Variants in WEE2 observed in about 807,000 individuals in gnomAD.
WEE2 encodes WEE2 oocyte meiosis inhibiting kinase, also known as wee1-like protein kinase 2.
In WEE2, 50 loss-of-function variants were observed where a neutral mutation model predicts 60.1. The ratio of observed to expected loss-of-function variants is 0.83; its 90% CI spans 0.66 to 1.05. The LOEUF is 1.05. Ranked by LOEUF, WEE2 falls within the 50% of genes least tolerant of loss-of-function variation. The pLI is 0.00. For synonymous variants in WEE2, 240 were observed against 241.0 expected (o/e 1.00, Z 0.04); for missense variants, 631 against 684.3 (o/e 0.92, Z 0.87).
intron 3 of WEE2, among the ~76,000 whole-genome samples, chr7:141,716,520 C>A (rs1355573180): frequency 6.6e-6 from 1 of 150,786 alleles, no homozygotes; most frequent in Non-Finnish European, 1.5e-5. Flanking sequence ...TCCTACTCTC[C>A]TTCTCTCCTC....
chr7:141,720,951 GAAGTTTATGCTCACGCA>G lies in WEE2; in HGVS notation c.776_792del (p.Glu259GlyfsTer19). 6.2e-7 allele frequency: 1 copy of G among 1,612,750 alleles called. No homozygotes were observed. The highest frequency in any genetic ancestry group is 8.5e-7 in the Non-Finnish European group (1 of 1,178,808). On this transcript the variant is annotated frameshift_variant, in exon 5 of 12. Transcript: ENST00000397541. LOFTEE classifies it high-confidence loss of function. ...GTCTCATAGGAATTCGGCTTTGCAT[GAAGTTTATGCTCACGCA>G]GTGCTTGGGCATCACCCCCATGTGG...
In WEE2 at chr7:141,730,857, C is replaced by A. The variant is rs1799128470; in HGVS notation, c.*537C>A. The A allele has an allele frequency of 6.6e-6, 1 of 152,122 alleles. No homozygotes were observed. The highest frequency in any genetic ancestry group is 2.1e-4 in the South Asian group (1 of 4,818). 9.4% of individuals were successfully genotyped at this position (152,122 alleles called of 1,614,324 possible). ...TTTAAAATCATATTTTATCTAAATC[C>A]TTTTTCTGTACACATTTTTAAAGGA... On this transcript the variant is annotated 3_prime_UTR_variant, in exon 12 of 12. Coordinates refer to ENST00000397541, the MANE Select transcript of WEE2 (RefSeq NM_001105558.1).
At chr7:141,722,872 A>T (rs1304225725) in intron 5 of WEE2, among the ~76,000 whole-genome samples, 1 of 152,168 alleles carries the variant, frequency 6.6e-6, no homozygotes, top group East Asian at 1.9e-4. Flanking sequence ...CCTTTCCAAC[A>T]TGTCTGTGGT....
At chr7:141,719,556 T>G (rs1197919846) in intron 4 of WEE2, among the ~76,000 whole-genome samples, 1 of 152,228 alleles carries the variant, frequency 6.6e-6, no homozygotes, top group East Asian at 1.9e-4. Flanking sequence ...GTTCAAGTGA[T>G]TCTCCTGCTT....
chr7:141,713,648 T>C (rs1262851613), intron 1 of WEE2, among the ~76,000 whole-genome samples: 1 of 152,206 alleles, frequency 6.6e-6, no homozygotes, highest in East Asian at 1.9e-4. Flanking sequence ...ACTTTTTTCA[T>C]GTTTAAATAG....
intron 9 of WEE2, 53 bp downstream of exon 9, chr7:141,725,249 G>T (rs1049194392): frequency 1.3e-6 from 2 of 1,563,216 alleles, no homozygotes; most frequent in South Asian, 1.2e-5. Flanking sequence ...TTTTTAGTGC[G>T]ATGGCAACTA....
intron 9 of WEE2, 72 bp from the exon 10 acceptor site, chr7:141,727,232 G>A (rs1799033181): frequency 6.5e-7 from 1 of 1,530,328 alleles, no homozygotes; most frequent in Non-Finnish European, 8.8e-7. Flanking sequence ...CTGGGTTGGA[G>A]TTGGCTTGAA....
At chr7:141,725,246 T>C (rs773421112) in intron 9 of WEE2, 50 bp downstream of exon 9, 1 of 1,568,636 alleles carries the variant, frequency 6.4e-7, no homozygotes, top group Non-Finnish European at 8.7e-7. Flanking sequence ...ATTTTTTTAG[T>C]GCGATGGCAA....
At position 141,708,813 on chromosome 7, in the gene WEE2, T is replaced by C; in HGVS notation, c.55T>C (p.Cys19Arg). The C allele has an allele frequency of 1.9e-6, 3 of 1,614,086 alleles. No individual in the cohort carries two copies. Among genetic ancestry groups the C allele is most frequent in the Non-Finnish European group, 2.5e-6 (3 of 1,179,988 alleles). Reference protein sequence around the residue: ...ELRQKLNFSYCEETEIEGQKK... With the variant: ...ELRQKLNFSYREETEIEGQKK... Reference sequence around the variant, plus strand: ...AAGGCAGAAATTAAACTTTTCCTATTGTGAGGAGACTGAGATTGAAGGGCA... The same window carrying C: ...AAGGCAGAAATTAAACTTTTCCTATCGTGAGGAGACTGAGATTGAAGGGCA... The change falls in exon 1 of 12, where the codon TGT becomes CGT. Residue 19 changes from cysteine (C) to arginine (R), a missense_variant. By Grantham distance (180) the Cys-to-Arg change is radical (BLOSUM62 -3). Coordinates refer to ENST00000397541, the MANE Select transcript of WEE2 (RefSeq NM_001105558.1).
chr7:141,723,246 C>T lies in WEE2; in HGVS notation c.993C>T (p.His331=), dbSNP rs759513308. 97 of 1,613,994 alleles carry T rather than the reference C, an allele frequency of 6.0e-5. No individual in the cohort carries two copies. Among genetic ancestry groups the T allele is most frequent in the Non-Finnish European group, 7.6e-5 (90 of 1,180,012 alleles). ...LQISLGLNYI[H]NSSMVHLDIK... ...TTTCCCTTGGCCTTAATTACATCCACAACTCTAGCATGGTACACCTGGACA... is the reference window on the plus strand; with the variant it reads ...TTTCCCTTGGCCTTAATTACATCCATAACTCTAGCATGGTACACCTGGACA... The change falls in exon 6 of 12, where the codon CAC becomes CAT. Residue 331 remains histidine (H), a synonymous_variant. Coordinates refer to ENST00000397541, the MANE Select transcript of WEE2 (RefSeq NM_001105558.1).
At chr7:141,727,594 G>A in intron 10 of WEE2, 148 bp downstream of exon 10, 1 of 1,017,480 alleles carries the variant, frequency 9.8e-7, no homozygotes, top group Non-Finnish European at 1.4e-6. Flanking sequence ...GAAACTGGCA[G>A]CATGCGGCTC....
intron 9 of WEE2, among the ~76,000 whole-genome samples, chr7:141,726,968 A>C (rs1799028263): frequency 6.6e-6 from 1 of 152,244 alleles, no homozygotes; most frequent in Non-Finnish European, 1.5e-5. Context: ...GAGTTGGGCA[A>C]ACTGGGTTTT....
chr7:141,727,026 G>T (rs1799029491), intron 9 of WEE2, among the ~76,000 whole-genome samples: 2 of 152,150 alleles, frequency 1.3e-5, no homozygotes, highest in Admixed American at 1.3e-4. Context: ...GAGAGTCTTA[G>T]TTTTTTCTGC....
At chr7:141,727,673 CA>C (rs1357641549) in intron 10 of WEE2, 1 of 503,030 alleles carries the variant, frequency 2.0e-6, no homozygotes, top group African/African-American at 1.9e-5. Flanking sequence ...TTAACGCAAA[CA>C]AAGGAAGCAA....
chr7:141,727,188 A>C (rs1333223530), intron 9 of WEE2, 116 bp from the exon 10 acceptor site: 5 of 1,118,118 alleles, frequency 4.5e-6, no homozygotes, highest in Non-Finnish European at 6.5e-6. Context: ...TGCACAAAGC[A>C]GAAGCAATGT....
Position 141,725,111 on chromosome 7 carries a change from A to C in WEE2, c.1307A>C (p.Asn436Thr). ...VAAGAESLPT[N>T]GAAWHHIRKG... is the part of the protein sequence containing the mutation. ...GCAGGAGCAGAGTCATTGCCCACCA[A>C]TGGTGCTGCATGGCACCATATCCGC... Residue 436 changes from asparagine (N) to threonine (T), a missense_variant, in exon 9 of 12, where the codon AAT becomes ACT. Asn to Thr is a moderately conservative substitution (Grantham distance 65, BLOSUM62 0). Transcript: ENST00000397541. The C allele has an allele frequency of 1.2e-6, 2 of 1,614,180 alleles. No homozygotes were observed. The highest frequency in any genetic ancestry group is 1.7e-6 in the Non-Finnish European group (2 of 1,180,036).
chr7:141,719,550 A>C (rs1407536157), intron 4 of WEE2, among the ~76,000 whole-genome samples: 1 of 152,182 alleles, frequency 6.6e-6, no homozygotes, highest in Non-Finnish European at 1.5e-5. Context: ...TCCTGGGTTC[A>C]AGTGATTCTC....
chr7:141,721,186 A>C, intron 5 of WEE2, 130 bp downstream of exon 5: 1 of 1,052,850 alleles, frequency 9.5e-7, no homozygotes, highest in Non-Finnish European at 1.4e-6. Flanking sequence ...TGTACTATAT[A>C]TTATAGTCTT....
chr7:141,727,608 G>A (rs957838898), intron 10 of WEE2, 162 bp downstream of exon 10: 1 of 862,802 alleles, frequency 1.2e-6, no homozygotes, highest in Non-Finnish European at 1.7e-6. Flanking sequence ...GCGGCTCTTT[G>A]TAGCATCGGG....
Sources: allele counts gnomAD v4.1 joint callset (sites outside exome capture counted in the v4.1 genomes callset), GRCh38; gene constraint gnomAD v4.1.1; transcripts MANE v1.5; gene names NCBI Gene and HGNC (gene_info 2026-07-23, HGNC 2026-07-21).